LSP1: variants seen among roughly 807,000 people sequenced by gnomAD.
LSP1 encodes the protein lymphocyte-specific protein 1.
LSP1 carries 32 observed loss-of-function variants against 49.3 expected under a neutral mutation model. The ratio of observed to expected loss-of-function variants is 0.65; its 90% CI spans 0.49 to 0.87. The LOEUF (loss-of-function observed/expected upper bound fraction) is 0.87. LSP1 is among the 40% of genes least tolerant of loss of function. The probability of loss-of-function intolerance (pLI) is 0.00; values close to 1 mark genes in which losing one functional copy is unlikely to be tolerated. For missense variants in LSP1, 428 were observed against 442.6 expected (o/e 0.97, Z 0.30); for synonymous variants, 179 against 178.8 (o/e 1.00, Z -0.01).
intron 10 of LSP1, among the ~76,000 whole-genome samples, chr11:1,888,292 C>T (rs930733097): frequency 2.6e-5 from 4 of 152,178 alleles, no homozygotes; most frequent in Non-Finnish European, 4.4e-5. Context: ...GCTGAGTAGG[C>T]CCCTCCACTC....
chr11:1,865,747 A>G (rs569829449), intron 1 of LSP1, among the ~76,000 whole-genome samples: 1 of 151,370 alleles, frequency 6.6e-6, no homozygotes, highest in Non-Finnish European at 1.5e-5. Context: ...TGAGCCCCCA[A>G]AATGAAGGGC....
At chr11:1,866,420 C>T (rs1409608206) in intron 1 of LSP1, 50 of 1,429,522 alleles carry the variant, frequency 3.5e-5, no homozygotes, top group South Asian at 5.9e-5. Flanking sequence ...GAGGGCAGCC[C>T]GGCTCACCCC....
intron 1 of LSP1, among the ~76,000 whole-genome samples, chr11:1,862,615 C>T (rs918002337): frequency 6.6e-6 from 1 of 152,032 alleles, no homozygotes; most frequent in Non-Finnish European, 1.5e-5. Flanking sequence ...GGTGATCTGT[C>T]CTCCCTGAGT....
At chr11:1,869,579 G>T (rs1428890710) in intron 1 of LSP1, 10 of 463,012 alleles carry the variant, frequency 2.2e-5, no homozygotes, top group Non-Finnish European at 4.1e-5. Context: ...TGGGAGGAGG[G>T]GTCTCTCCCA....
intron 10 of LSP1, chr11:1,889,085 C>A (rs1472180822): frequency 2.4e-5 from 14 of 588,832 alleles, no homozygotes; most frequent in Non-Finnish European, 9.2e-6. Context: ...CCAGCTAGAG[C>A]CTCAGCCCCT....
At chr11:1,860,011 G>A (rs1847585558) in intron 1 of LSP1, among the ~76,000 whole-genome samples, 1 of 152,152 alleles carries the variant, frequency 6.6e-6, no homozygotes, top group African/African-American at 2.4e-5. Context: ...CGGGGATGAT[G>A]AGAATGTGTC....
rs1243674302 is a variant in LSP1, at chr11:1,887,292, C to T, written c.908C>T (p.Ser303Phe). The change falls in exon 9 of 11, where the codon TCC becomes TTC. Residue 303 changes from serine (S) to phenylalanine (F), a missense_variant. By Grantham distance (155) the Ser-to-Phe change is radical (BLOSUM62 -2). Coordinates refer to ENST00000311604, the MANE Select transcript of LSP1 (RefSeq NM_002339.3). ...AGCCTCTGGGAGCAGAAGGGAGGCT[C>T]CAAGACCTCATCAACAATTAAGGTA... ...KKSLWEQKGG[S>F]KTSSTIKSTP... The T allele has an allele frequency of 3.1e-6, 5 of 1,602,190 alleles. No homozygotes were observed. Among genetic ancestry groups the T allele is most frequent in the Non-Finnish European group, 4.3e-6 (5 of 1,173,436 alleles).
chr11:1,882,201 C>T (rs1436275871), intron 3 of LSP1, among the ~76,000 whole-genome samples: 2 of 152,194 alleles, frequency 1.3e-5, no homozygotes, highest in Admixed American at 6.5e-5. Context: ...TGCTCGGGGT[C>T]CTTGCCGCTC....
chr11:1,869,848 G>T, intron 1 of LSP1: 1 of 465,548 alleles, frequency 2.1e-6, no homozygotes, highest in Non-Finnish European at 4.4e-6. Context: ...TTCTGCACCC[G>T]GACTGGGACC....
intron 1 of LSP1, chr11:1,869,835 A>G (rs1376943909): frequency 6.4e-6 from 3 of 466,444 alleles, no homozygotes; most frequent in Non-Finnish European, 1.3e-5. Context: ...CTGAGAAATG[A>G]ATTTCTGCAC....
At chr11:1,881,173 T>C (rs1200321251) in intron 2 of LSP1, 7 of 416,150 alleles carry the variant, frequency 1.7e-5, no homozygotes, top group African/African-American at 1.5e-4. Flanking sequence ...GGAGGAGGCA[T>C]AGCCCTGCTG....
intron 1 of LSP1, chr11:1,870,316 CA>C: frequency 7.7e-7 from 1 of 1,294,758 alleles, no homozygotes; most frequent in Non-Finnish European, 1.0e-6. Flanking sequence ...TGGGGCTTGG[CA>C]GGGGGTGCCC....
rs2271439 is a variant in LSP1, at chr11:1,880,237, A to C, written c.191+13A>C. ...AGCAGGAGATGCTGTGAGCAGCCCC[A>C]TAACGCGTGCCTGGGCTCTAGCCCC... On this transcript the variant is annotated intron_variant, in intron 2 of 10. Coordinates refer to ENST00000311604, the MANE Select transcript of LSP1 (RefSeq NM_002339.3). 0.81 allele frequency: 1,278,194 copies of C among 1,578,780 alleles called. 520,813 individuals are homozygous for C. Among genetic ancestry groups the C allele is most frequent in the Non-Finnish European group, 0.83 (962,525 of 1,159,788 alleles).
chr11:1,881,663 GC>G (rs1848551218), intron 3 of LSP1, 67 bp downstream of exon 3: 9 of 1,433,850 alleles, frequency 6.3e-6, no homozygotes, highest in Non-Finnish European at 7.3e-6. Flanking sequence ...GAGGGCGGGC[GC>G]TGGGCAGAGC....
At chr11:1,890,891 G>A (rs922794586) in intron 10 of LSP1, 23 of 392,868 alleles carry the variant, frequency 5.9e-5, no homozygotes, top group Non-Finnish European at 8.9e-5. Context: ...GCACAAAGCA[G>A]GCCCCAAGTA....
intron 7 of LSP1, among the ~76,000 whole-genome samples, chr11:1,885,623 C>A (rs1200674318): frequency 2.6e-5 from 4 of 152,014 alleles, no homozygotes; most frequent in Non-Finnish European, 5.9e-5. Flanking sequence ...TCAACCAATA[C>A]TTCTTTATCT....
At chr11:1,872,048 A>G (rs371663577) in intron 1 of LSP1, among the ~76,000 whole-genome samples, 7,353 of 34,358 alleles carry the variant, frequency 0.21, 91 homozygotes, top group African/African-American at 0.23. Context: ...GGCCTGGGCT[A>G]TAGTCACCCT....
At chr11:1,856,816 G>T (rs953439571) in intron 1 of LSP1, among the ~76,000 whole-genome samples, 5 of 152,254 alleles carry the variant, frequency 3.3e-5, no homozygotes, top group African/African-American at 7.2e-5. Context: ...CCACCTGGAG[G>T]ATGTGCAATG....
chr11:1,856,600 G>A (rs73410943), intron 1 of LSP1, among the ~76,000 whole-genome samples: 5,963 of 152,324 alleles, frequency 0.039, 372 homozygotes, highest in African/African-American at 0.13. Context: ...TGACCTGAGG[G>A]GCTGCTCTGG....
Sources: gnomAD v4.1 joint callset for allele counts (sites outside exome capture counted in the v4.1 genomes callset) on GRCh38, gnomAD v4.1.1 for gene constraint, MANE v1.5 for transcripts, NCBI Gene and HGNC (gene_info 2026-07-23, HGNC 2026-07-21) for gene names.